The following LRRC53 variants were observed in gnomAD, a reference collection of about 807,000 sequenced individuals.
LRRC53 encodes leucine rich repeat containing 53.
LRRC53 carries 25 observed loss-of-function variants against 13.6 expected under a neutral mutation model. The observed-to-expected ratio is 1.83, with a 90% CI of 1.34 to 2.56. The LOEUF is 2.56. LRRC53 is among the 30% of genes most tolerant of loss of function. The probability of loss-of-function intolerance (pLI) is 0.00; values close to 1 mark genes in which losing one functional copy is unlikely to be tolerated. For missense variants in LRRC53, 527 were observed against 275.8 expected (o/e 1.91, Z -6.45); for synonymous variants, 204 against 109.8 (o/e 1.86, Z -5.37).
the LRRC53 span, among the ~76,000 whole-genome samples, chr1:74,529,468 A>G: frequency 6.6e-6 from 1 of 152,254 alleles, no homozygotes; most frequent in African/African-American, 2.4e-5. Flanking sequence ...CATTTCAGAC[A>G]GAAAGAAAAT....
the LRRC53 span, among the ~76,000 whole-genome samples, chr1:74,520,261 C>A: frequency 2.0e-5 from 3 of 152,140 alleles, no homozygotes; most frequent in Admixed American, 1.3e-4. Flanking sequence ...AAAATTGACT[C>A]AACTGGAATC....
chr1:74,524,514 A>T, the LRRC53 span, among the ~76,000 whole-genome samples: 1 of 152,234 alleles, frequency 6.6e-6, no homozygotes, highest in Non-Finnish European at 1.5e-5. Flanking sequence ...AGGAAAATGC[A>T]TTAGGAAAAA....
intron 1 of LRRC53, among the ~76,000 whole-genome samples, chr1:74,506,835 G>A (rs985720310): frequency 1.3e-5 from 2 of 151,972 alleles, no homozygotes; most frequent in Non-Finnish European, 2.9e-5. Flanking sequence ...CTCCCTATGA[G>A]CATTCCTAAT....
At chr1:74,504,320 A>C (rs115142318) in intron 1 of LRRC53, among the ~76,000 whole-genome samples, 1 of 152,144 alleles carries the variant, frequency 6.6e-6, no homozygotes, top group Non-Finnish European at 1.5e-5. Context: ...TTGCTCTCTA[A>C]CGCCATCTAG....
At chr1:74,513,129 T>C (rs977022005), upstream of LRRC53, among the ~76,000 whole-genome samples, 13 of 152,214 alleles carry the variant, frequency 8.5e-5, no homozygotes, top group African/African-American at 3.1e-4. Context: ...TCGATACTGT[T>C]TCACTGGCCT....
chr1:74,507,340 C>G (rs968830034), intron 1 of LRRC53, among the ~76,000 whole-genome samples: 2 of 151,652 alleles, frequency 1.3e-5, no homozygotes, highest in Non-Finnish European at 2.9e-5. Flanking sequence ...AGTTACCCAT[C>G]ATGTTTGCTG....
chr1:74,471,985 T>G lies in LRRC53; in HGVS notation c.1637A>C (p.Lys546Thr), dbSNP rs2100739174. ...EEHYVQKIVQ[K>T]NRSKYDDPCG... ...AGGATCATCATATTTTGATCTATTT[T>G]TTTGTACGATCTTTTGTACATAGTG... The change falls in exon 5 of 5, where the codon AAA becomes ACA. Residue 546 changes from lysine (K) to threonine (T), a missense_variant. Coordinates refer to ENST00000294635, the MANE Select transcript of LRRC53 (RefSeq NM_001382280.1). The G allele has an allele frequency of 1.6e-6, 1 of 632,672 alleles. No homozygotes were observed. The highest frequency in any genetic ancestry group is 2.9e-6 in the Non-Finnish European group (1 of 349,114). 39.2% of individuals were successfully genotyped at this position (632,672 alleles called of 1,614,324 possible).
the LRRC53 span, among the ~76,000 whole-genome samples, chr1:74,522,986 G>A: frequency 1.3e-5 from 2 of 152,124 alleles, no homozygotes; most frequent in African/African-American, 4.8e-5. Flanking sequence ...CTAATGAGAG[G>A]GGAAACCCCA....
chr1:74,480,489 G>A lies in LRRC53; in HGVS notation c.568C>T (p.Arg190Ter), dbSNP rs61729317. 6.8e-4 allele frequency: 487 copies of A among 717,460 alleles called. No homozygotes were observed. Among genetic ancestry groups the A allele is most frequent in the African/African-American group, 6.2e-3 (354 of 57,360 alleles). 44.4% of individuals were successfully genotyped at this position (717,460 alleles called of 1,614,324 possible). A position where few individuals can be genotyped will look rare whatever the true frequency, so the allele number is the denominator to read the frequency against. ...TCCGGCATGTGGGCTAACCTATTTC[G>A]GGAAAGGTCCACTTCCTGTAGTTGA... Reference protein sequence around the residue: ...LPQLQEVDLSRNRLAHMPDVF... With the variant: ...LPQLQEVDLS Residue 190 changes from arginine to a stop codon, truncating the protein, a stop_gained, in exon 3 of 5, where the codon CGA becomes TGA. Transcript: ENST00000294635. LOFTEE classifies it high-confidence loss of function.
chr1:74,482,406 G>T (rs1413575388), intron 2 of LRRC53, among the ~76,000 whole-genome samples: 1 of 152,198 alleles, frequency 6.6e-6, no homozygotes, highest in Non-Finnish European at 1.5e-5. Flanking sequence ...AAAAATAAAT[G>T]TAGTGAAGTC....
chr1:74,471,942 C>G lies in LRRC53; in HGVS notation c.1680G>C (p.Gln560His), dbSNP rs17095391. Residue 560 changes from glutamine (Q) to histidine (H), a missense_variant, in exon 5 of 5, where the codon CAG becomes CAC. Physicochemically the swap from Gln to His is conservative, Grantham distance 24 (BLOSUM62 0). Coordinates refer to ENST00000294635, the MANE Select transcript of LRRC53 (RefSeq NM_001382280.1). ...KYDDPCGLLK[Q>H]SKPRYFQPNN... ...TTGGCTGAAAATACCTAGGTTTGCT[C>G]TGTTTTAACAGTCCACAAGGATCAT... 3,079 of 522,368 alleles carry G rather than the reference C, an allele frequency of 5.9e-3. 84 individuals are homozygous for G. The highest frequency in any genetic ancestry group is 0.054 in the African/African-American group (2,786 of 51,350). 32.4% of individuals were successfully genotyped at this position (522,368 alleles called of 1,614,324 possible). A position where few individuals can be genotyped will look rare whatever the true frequency, so the allele number is the denominator to read the frequency against.
Position 74,471,830 on chromosome 1 carries a change from TTGAG to T in LRRC53, c.1788_1791del (p.His596GlnfsTer14). On this transcript the variant is annotated frameshift_variant, in exon 5 of 5. Coordinates refer to ENST00000294635, the MANE Select transcript of LRRC53 (RefSeq NM_001382280.1). LOFTEE classifies it low-confidence loss of function (END_TRUNC). ...ATTTGGATTTGCTCTTTCTCAGGCT[TTGAG>T]TGTTGTCTACGATTTGGCTTCTTTT... 2 of 446,760 alleles carry T rather than the reference TTGAG, an allele frequency of 4.5e-6. No homozygotes were observed. The highest frequency in any genetic ancestry group is 7.9e-6 in the Non-Finnish European group (2 of 253,478). 27.7% of individuals were successfully genotyped at this position (446,760 alleles called of 1,614,324 possible).
the LRRC53 span, among the ~76,000 whole-genome samples, chr1:74,532,896 C>T: frequency 2.0e-5 from 3 of 152,156 alleles, no homozygotes; most frequent in Non-Finnish European, 4.4e-5. Context: ...CTTCCTCACA[C>T]CTGATACAAA....
intron 1 of LRRC53, among the ~76,000 whole-genome samples, chr1:74,495,526 C>T (rs542821380): frequency 6.6e-6 from 1 of 152,174 alleles, no homozygotes; most frequent in African/African-American, 2.4e-5. Context: ...TAACTATTTT[C>T]TCTTTTCTTT....
chr1:74,487,849 A>G (rs1293398109), intron 1 of LRRC53, among the ~76,000 whole-genome samples: 1 of 152,174 alleles, frequency 6.6e-6, no homozygotes, highest in Non-Finnish European at 1.5e-5. Flanking sequence ...TGTTGGAGTC[A>G]GGTTTCTAGA....
intron 2 of LRRC53, among the ~76,000 whole-genome samples, chr1:74,483,047 C>T (rs1180801625): frequency 6.6e-6 from 1 of 152,206 alleles, no homozygotes; most frequent in African/African-American, 2.4e-5. Flanking sequence ...CAAAATAACT[C>T]AGTTACCTCT....
At chr1:74,498,919 T>C (rs555985144) in intron 1 of LRRC53, among the ~76,000 whole-genome samples, 3 of 152,358 alleles carry the variant, frequency 2.0e-5, no homozygotes, top group East Asian at 3.9e-4. Context: ...GTAGATTTCA[T>C]GTGCAGAGCA....
At chr1:74,517,079 CT>C (rs1646359786), upstream of LRRC53, among the ~76,000 whole-genome samples, 1 of 152,176 alleles carries the variant, frequency 6.6e-6, no homozygotes, top group African/African-American at 2.4e-5. Flanking sequence ...TTTAATTCAG[CT>C]TTTCCCCCAC....
chr1:74,533,829 G>A, the LRRC53 span, among the ~76,000 whole-genome samples: 3 of 152,088 alleles, frequency 2.0e-5, no homozygotes, highest in East Asian at 1.9e-4. Context: ...ACCAAACACC[G>A]CATGTTCTCA....
Sources: allele counts gnomAD v4.1 joint callset (sites outside exome capture counted in the v4.1 genomes callset), GRCh38; gene constraint gnomAD v4.1.1; transcripts MANE v1.5; gene names NCBI Gene and HGNC (gene_info 2026-07-23, HGNC 2026-07-21).